TSHZ2: variants seen among roughly 807,000 people sequenced by gnomAD.
The protein encoded by TSHZ2 is teashirt homolog 2.
A neutral mutation model predicts 74.4 loss-of-function variants in TSHZ2; 21 were observed. The ratio of observed to expected loss-of-function variants is 0.28; its 90% CI spans 0.20 to 0.41. The LOEUF (loss-of-function observed/expected upper bound fraction) is 0.41. Among genes scored for constraint, TSHZ2 ranks in the 10% least tolerant of loss-of-function variants. TSHZ2 has a pLI of 1.00. For synonymous variants in TSHZ2, 540 were observed against 515.3 expected (o/e 1.05, Z -0.65); for missense variants, 1,244 against 1,293.5 (o/e 0.96, Z 0.59).
At chr20:53,082,083 C>T (rs1009528411) in intron 1 of TSHZ2, among the ~76,000 whole-genome samples, 2 of 152,170 alleles carry the variant, frequency 1.3e-5, no homozygotes, top group Non-Finnish European at 2.9e-5. Flanking sequence ...TCTTAACAGA[C>T]ACTTCTAAAT....
intron 1 of TSHZ2, among the ~76,000 whole-genome samples, chr20:53,009,697 A>C (rs1982780985): frequency 6.6e-6 from 1 of 152,176 alleles, no homozygotes; most frequent in Non-Finnish European, 1.5e-5. Context: ...GAGGAGAAAG[A>C]TTTTCCCAGT....
intron 1 of TSHZ2, among the ~76,000 whole-genome samples, chr20:52,989,732 AGTGTGC>A: frequency 6.6e-6 from 1 of 152,098 alleles, no homozygotes; most frequent in Non-Finnish European, 1.5e-5. Context: ...TTAAAAATCT[AGTGTGC>A]GTATCTTCCA....
chr20:53,391,444 C>CA (rs1982252312), intron 2 of TSHZ2, among the ~76,000 whole-genome samples: 1 of 113,708 alleles, frequency 8.8e-6, no homozygotes, highest in Non-Finnish European at 2.3e-5. Flanking sequence ...AGCACCAGGC[C>CA]GTTTTTTTTG....
At chr20:52,976,885 C>A (rs1327473580) in intron 1 of TSHZ2, among the ~76,000 whole-genome samples, 1 of 152,164 alleles carries the variant, frequency 6.6e-6, no homozygotes, top group African/African-American at 2.4e-5. Flanking sequence ...TCACCCAGAT[C>A]TGAAGAGTCT....
intron 2 of TSHZ2, among the ~76,000 whole-genome samples, chr20:53,292,447 ATT>A (rs149635565): frequency 0.13 from 18,056 of 141,130 alleles, 1,058 homozygotes; most frequent in Middle Eastern, 0.23. Flanking sequence ...CAAACCACCT[ATT>A]TTTTTTTTTT....
rs150898071 is a variant in TSHZ2 at position 53,101,880 on chromosome 20, G to C, written c.40+128547G>C. 5.9e-5 allele frequency among the ~76,000 whole-genome samples: 9 copies of C among 152,248 alleles called. No individual in the cohort carries two copies. In the East Asian group the frequency reaches 1.7e-3, roughly 29 times the overall value. ...TGTATGAACCAGATGTGTAAATATT[G>C]ATTACTATTTTGAAGTTATCACATT... On this transcript the variant is annotated intron_variant, in intron 1 of 2. Transcript: ENST00000371497.
At chr20:53,314,386 G>T (rs1004661288) in intron 2 of TSHZ2, among the ~76,000 whole-genome samples, 6 of 152,102 alleles carry the variant, frequency 3.9e-5, no homozygotes, top group Non-Finnish European at 5.9e-5. Flanking sequence ...AGCAGCAAAG[G>T]TTTGTTATTT....
At chr20:52,987,797 G>A (rs1367496788) in intron 1 of TSHZ2, among the ~76,000 whole-genome samples, 1 of 152,150 alleles carries the variant, frequency 6.6e-6, no homozygotes. Context: ...AGAGGGCTTT[G>A]TCTGCTTGGG....
chr20:53,226,119 A>AACACACAC (rs11470731), intron 1 of TSHZ2, among the ~76,000 whole-genome samples: 56 of 147,642 alleles, frequency 3.8e-4, no homozygotes, highest in South Asian at 2.2e-3. Context: ...GACTAAATTT[A>AACACACAC]ACACACACAC....
intron 2 of TSHZ2, among the ~76,000 whole-genome samples, chr20:53,431,338 C>A (rs1271158673): frequency 1.3e-5 from 2 of 152,034 alleles, no homozygotes; most frequent in Non-Finnish European, 2.9e-5. Context: ...TGCCTGTAAT[C>A]CCAGCTACTC....
intron 1 of TSHZ2, among the ~76,000 whole-genome samples, chr20:53,032,941 C>T (rs962856719): frequency 2.0e-5 from 3 of 152,070 alleles, no homozygotes; most frequent in African/African-American, 7.2e-5. Context: ...ATCGTTCATA[C>T]CCATGGGGTT....
intron 2 of TSHZ2, among the ~76,000 whole-genome samples, chr20:53,459,719 C>T (rs376423381): frequency 3.3e-4 from 46 of 140,070 alleles, no homozygotes; most frequent in South Asian, 1.0e-3. Flanking sequence ...CCATGTTTAG[C>T]GCTTCCTTCA....
At position 53,491,639 on chromosome 20, in the gene TSHZ2, C is replaced by A. The variant is rs1367243751; in HGVS notation, c.*4504C>A. 1.3e-5 allele frequency: 2 copies of A among 152,096 alleles called. No individual in the cohort carries two copies. Among genetic ancestry groups the A allele is most frequent in the African/African-American group, 2.4e-5 (1 of 41,410 alleles). 9.4% of individuals were successfully genotyped at this position (152,096 alleles called of 1,614,324 possible). On this transcript the variant is annotated 3_prime_UTR_variant, in exon 3 of 3. Transcript: ENST00000371497. ...TAGTTACGAACAATGGGCTAACAGGCGTGGGTGTTTCTCCAAAAATTATTC... is the reference window on the plus strand; with the variant it reads ...TAGTTACGAACAATGGGCTAACAGGAGTGGGTGTTTCTCCAAAAATTATTC...
At chr20:53,262,776 C>G (rs892080586) in intron 2 of TSHZ2, among the ~76,000 whole-genome samples, 8 of 152,214 alleles carry the variant, frequency 5.3e-5, no homozygotes, top group African/African-American at 1.9e-4. Context: ...TTTCCCGACT[C>G]TCTCCTGGAA....
At chr20:53,395,738 C>T (rs372836466) in intron 2 of TSHZ2, among the ~76,000 whole-genome samples, 43 of 152,074 alleles carry the variant, frequency 2.8e-4, no homozygotes, top group African/African-American at 8.0e-4. Flanking sequence ...TGAACATGAC[C>T]GTGCAGACGT....
At chr20:53,251,863 G>C (rs893501813) in intron 1 of TSHZ2, among the ~76,000 whole-genome samples, 11 of 152,114 alleles carry the variant, frequency 7.2e-5, no homozygotes, top group Non-Finnish European at 1.5e-4. Flanking sequence ...CTCATCAAAG[G>C]GTTCTTCTTC....
At chr20:53,190,086 AATATATATAT>A (rs544193424) in intron 1 of TSHZ2, among the ~76,000 whole-genome samples, 799 of 25,052 alleles carry the variant, frequency 0.032, 43 homozygotes, top group Middle Eastern at 0.062. Flanking sequence ...CCCTGTCTCA[AATATATATAT>A]ATATATATAT....
At chr20:53,185,110 A>AT (rs1220792254) in intron 1 of TSHZ2, among the ~76,000 whole-genome samples, 1 of 152,172 alleles carries the variant, frequency 6.6e-6, no homozygotes, top group Non-Finnish European at 1.5e-5. Flanking sequence ...TTGTTTATAC[A>AT]TTTTTTAAAA....
At chr20:53,218,388 A>T (rs1989482212) in intron 1 of TSHZ2, among the ~76,000 whole-genome samples, 1 of 152,246 alleles carries the variant, frequency 6.6e-6, no homozygotes, top group African/African-American at 2.4e-5. Context: ...CGGCTTGCCG[A>T]CTTATTTGTT....
Sources: allele counts gnomAD v4.1 joint callset (sites outside exome capture counted in the v4.1 genomes callset), GRCh38; gene constraint gnomAD v4.1.1; transcripts MANE v1.5; gene names NCBI Gene and HGNC (gene_info 2026-07-23, HGNC 2026-07-21).